The following ADAMTS9 variants were observed in gnomAD, a reference collection of about 807,000 sequenced individuals.
ADAMTS9 encodes A disintegrin and metalloproteinase with thrombospondin motifs 9.
A neutral mutation model predicts 257.1 loss-of-function variants in ADAMTS9; 107 were observed. The ratio of observed to expected loss-of-function variants is 0.42; its 90% CI spans 0.36 to 0.49. The LOEUF (loss-of-function observed/expected upper bound fraction) is 0.49. Among genes scored for constraint, ADAMTS9 ranks in the 20% least tolerant of loss-of-function variants. The probability of loss-of-function intolerance (pLI) is 0.03; values close to 1 mark genes in which losing one functional copy is unlikely to be tolerated. For missense variants in ADAMTS9, 2,353 were observed against 2,469.1 expected (o/e 0.95, Z 1.00); for synonymous variants, 982 against 880.9 (o/e 1.11, Z -2.03).
chr3:64,521,335 C>T (rs926521108), intron 39 of ADAMTS9: 4 of 152,082 alleles, frequency 2.6e-5, no homozygotes, highest in Non-Finnish European at 5.9e-5. Context: ...ATGGAATACA[C>T]TGTTGGTGGG....
intron 3 of ADAMTS9, among the ~76,000 whole-genome samples, chr3:64,659,299 C>A (rs1225260086): frequency 1.3e-5 from 2 of 152,038 alleles, no homozygotes; most frequent in Non-Finnish European, 2.9e-5. Flanking sequence ...GAAGCCCTGT[C>A]CTTACCAAAA....
At chr3:64,555,497 G>A (rs1312918564) in intron 30 of ADAMTS9, among the ~76,000 whole-genome samples, 1 of 152,186 alleles carries the variant, frequency 6.6e-6, no homozygotes, top group Admixed American at 6.5e-5. Flanking sequence ...CAGGGTGGCA[G>A]CTATTCCCAA....
chr3:64,655,612 C>G lies in ADAMTS9; in HGVS notation c.1133G>C (p.Gly378Ala). The change falls in exon 6 of 40, where the codon GGT becomes GCT. Residue 378 changes from glycine to alanine, a missense_variant. Gly to Ala is a moderately conservative substitution (Grantham distance 60). Transcript: ENST00000498707. ...CQWQHSKNSP[G>A]GIHHDTAVLL... Reference sequence around the variant, plus strand: ...AACAGCAGTATCATGATGGATTCCACCTGGACTGTTCTTCGAATGCTGCCA... The same window carrying G: ...AACAGCAGTATCATGATGGATTCCAGCTGGACTGTTCTTCGAATGCTGCCA... 1 of 1,614,072 alleles carries G rather than the reference C, an allele frequency of 6.2e-7. No individual in the cohort carries two copies. Among genetic ancestry groups the G allele is most frequent in the Non-Finnish European group, 8.5e-7 (1 of 1,179,992 alleles).
intron 16 of ADAMTS9, among the ~76,000 whole-genome samples, chr3:64,626,160 C>G (rs1700216093): frequency 6.6e-6 from 1 of 152,152 alleles, no homozygotes; most frequent in South Asian, 2.1e-4. Context: ...CCTGGCAGAT[C>G]AAAATGCCTT....
chr3:64,536,691 A>T (rs375596015), intron 37 of ADAMTS9, among the ~76,000 whole-genome samples: 2 of 152,180 alleles, frequency 1.3e-5, no homozygotes, highest in Non-Finnish European at 2.9e-5. Flanking sequence ...AGGCATTTTC[A>T]TAGAATACTG....
At chr3:64,612,621 A>T (rs1327366225) in intron 22 of ADAMTS9, among the ~76,000 whole-genome samples, 1 of 152,152 alleles carries the variant, frequency 6.6e-6, no homozygotes, top group East Asian at 1.9e-4. Flanking sequence ...TCTTCAAGAG[A>T]TTACGCAAGT....
At chr3:64,656,800 G>A (rs1701084409) in intron 4 of ADAMTS9, among the ~76,000 whole-genome samples, 1 of 151,980 alleles carries the variant, frequency 6.6e-6, no homozygotes, top group South Asian at 2.1e-4. Context: ...GGCGCAGAGG[G>A]GAATGGGTCA....
chr3:64,618,291 A>G (rs1700015630), intron 19 of ADAMTS9, among the ~76,000 whole-genome samples: 2 of 152,194 alleles, frequency 1.3e-5, no homozygotes, highest in Admixed American at 1.3e-4. Context: ...TGCTATTATT[A>G]CCATTGGCCT....
Position 64,649,794 on chromosome 3 carries a change from G to T in ADAMTS9, c.1464-16C>A. The T allele has an allele frequency of 6.2e-7, 1 of 1,607,602 alleles. No homozygotes were observed. Among genetic ancestry groups the T allele is most frequent in the Non-Finnish European group, 8.5e-7 (1 of 1,176,842 alleles). ...ATAACCAGTGCTACGGAAACACACA[G>T]AAACACACAGATGGTGAGAACGGTG... On this transcript the variant is annotated splice_polypyrimidine_tract_variant and intron_variant, in intron 9 of 39. Transcript: ENST00000498707.
chr3:64,551,857 A>G (rs1032191216), intron 30 of ADAMTS9, among the ~76,000 whole-genome samples: 1 of 152,216 alleles, frequency 6.6e-6, no homozygotes, highest in South Asian at 2.1e-4. Context: ...AGCTCTCACA[A>G]GTAATCTCCT....
intron 28 of ADAMTS9, among the ~76,000 whole-genome samples, chr3:64,585,069 T>C (rs959273674): frequency 3.3e-5 from 5 of 152,132 alleles, no homozygotes; most frequent in Admixed American, 1.3e-4. Context: ...ACATTGTTTA[T>C]AGTATGCCTA....
intron 29 of ADAMTS9, among the ~76,000 whole-genome samples, chr3:64,566,319 C>A (rs1008411784): frequency 6.6e-6 from 1 of 152,134 alleles, no homozygotes; most frequent in African/African-American, 2.4e-5. Context: ...GAATTTTACC[C>A]ATGCAGTACT....
intron 19 of ADAMTS9, among the ~76,000 whole-genome samples, 167 bp downstream of exon 19, chr3:64,620,947 T>C (rs369019140): frequency 3.9e-5 from 6 of 152,360 alleles, no homozygotes; most frequent in South Asian, 4.1e-4. Context: ...ATGTATGTCT[T>C]GGATAATCAG....
rs1003620888 is a variant in ADAMTS9, at chr3:64,604,023, C to T, written c.3646G>A (p.Val1216Met). 2.5e-6 allele frequency: 4 copies of T among 1,614,016 alleles called. No individual in the cohort carries two copies. The African/African-American group carries it at 4.0e-5, about 16-fold the overall frequency. Residue 1216 changes from valine (V) to methionine (M), a missense_variant, in exon 25 of 40, where the codon GTG becomes ATG. Transcript: ENST00000498707. The stretch of plus-strand genomic sequence containing the variant: ...GTAGCACAGGCACTCTCGTCAGCCA[C>T]AGAGCCATTCTCATCTCGGCAGCTG... ...YVSCRDENGS[V>M]ADESACATLP...
chr3:64,598,618 C>A (rs1270552446), intron 26 of ADAMTS9, among the ~76,000 whole-genome samples: 1 of 152,062 alleles, frequency 6.6e-6, no homozygotes, highest in Non-Finnish European at 1.5e-5. Flanking sequence ...CCATGCCTGG[C>A]CTTACTTCCT....
In ADAMTS9 at chr3:64,631,539, C is replaced by T; in HGVS notation, c.2305G>A (p.Val769Met). Reference protein sequence around the residue: ...FNTVHYGYNTVVRIPAGATNI... With the variant: ...FNTVHYGYNTMVRIPAGATNI... ...GTAGCACCAGCTGGAATTCGGACCA[C>T]AGTATTGTAACCTGAAAAGAATTTA... The change falls in exon 16 of 40, where the codon GTG (valine) becomes ATG (methionine). Residue 769 changes from valine to methionine, a missense_variant. Physicochemically the swap from Val to Met is conservative, Grantham distance 21. Coordinates refer to ENST00000498707, the MANE Select transcript of ADAMTS9 (RefSeq NM_182920.2). 1 of 1,613,876 alleles carries T rather than the reference C, an allele frequency of 6.2e-7. No homozygotes were observed. The highest frequency in any genetic ancestry group is 8.5e-7 in the Non-Finnish European group (1 of 1,179,766).
chr3:64,581,660 C>A (rs2084004069), intron 28 of ADAMTS9, among the ~76,000 whole-genome samples: 1 of 152,152 alleles, frequency 6.6e-6, no homozygotes. Flanking sequence ...AATTCAATTT[C>A]TAATTTTAAA....
rs1426094245 is a variant in ADAMTS9, at chr3:64,658,754, G to A, written c.717C>T (p.Thr239=). 1 of 1,613,946 alleles carries A rather than the reference G, an allele frequency of 6.2e-7. No homozygotes were observed. Among genetic ancestry groups the A allele is most frequent in the Non-Finnish European group, 8.5e-7 (1 of 1,179,964 alleles). The change falls in exon 4 of 40, where the codon ACC becomes ACT. Residue 239 remains threonine, a synonymous_variant. Transcript: ENST00000498707. ...TCCTTTCTCCCCATTTTCTTGCTCT[G>A]GTTTTCTTCTTGTCTTTACTGTGCC... ...KNRHSKDKKK[T]RARKWGERIN...
intron 16 of ADAMTS9, among the ~76,000 whole-genome samples, chr3:64,625,883 T>C (rs1162617477): frequency 6.6e-6 from 1 of 152,194 alleles, no homozygotes; most frequent in Admixed American, 6.5e-5. Context: ...AGTCTGACCA[T>C]TCACTCCCAC....
Sources: allele counts gnomAD v4.1 joint callset (sites outside exome capture counted in the v4.1 genomes callset), GRCh38; gene constraint gnomAD v4.1.1; transcripts MANE v1.5; gene names NCBI Gene and HGNC (gene_info 2026-07-23, HGNC 2026-07-21).